Variants in ACVR1 observed in about 807,000 individuals in gnomAD.
ACVR1 encodes the protein activin receptor type-1.
A neutral mutation model predicts 57.1 loss-of-function variants in ACVR1; 38 were observed. That is an observed-to-expected ratio of 0.67 (90% CI 0.51 to 0.87). ACVR1 has a LOEUF of 0.87. ACVR1 is among the 40% of genes least tolerant of loss of function. ACVR1 has a pLI of 0.00. For missense variants in ACVR1, 463 were observed against 638.2 expected (o/e 0.73, Z 2.96); for synonymous variants, 212 against 228.1 (o/e 0.93, Z 0.63).
intron 1 of ACVR1, among the ~76,000 whole-genome samples, chr2:157,868,493 A>C (rs937811581): frequency 1.3e-5 from 2 of 151,798 alleles, no homozygotes; most frequent in Non-Finnish European, 2.9e-5. Context: ...TCAAAAAAAA[A>C]AAAAAAATCT....
intron 2 of ACVR1, among the ~76,000 whole-genome samples, chr2:157,807,639 G>A (rs1231439777): frequency 6.6e-6 from 1 of 151,498 alleles, no homozygotes; most frequent in Non-Finnish European, 1.5e-5. Flanking sequence ...ATGTAATTCT[G>A]AAGTTCATTT....
chr2:157,854,199 T>TAAAAAAAAA (rs398060692), intron 1 of ACVR1, among the ~76,000 whole-genome samples: 5 of 118,506 alleles, frequency 4.2e-5, no homozygotes, highest in Admixed American at 9.0e-5. Context: ...CCTAAAGGAG[T>TAAAAAAAAA]AAAAAAAAAA....
At chr2:157,825,847 G>A (rs1460177292) in intron 1 of ACVR1, among the ~76,000 whole-genome samples, 3 of 152,166 alleles carry the variant, frequency 2.0e-5, no homozygotes, top group African/African-American at 7.2e-5. Flanking sequence ...TGGAAGAGAA[G>A]AAAGAAGGAA....
At chr2:157,750,945 G>T (rs112777894) in intron 9 of ACVR1, among the ~76,000 whole-genome samples, 2,577 of 151,900 alleles carry the variant, frequency 0.017, 65 homozygotes, top group African/African-American at 0.056. Context: ...CAGATAGGAG[G>T]CCTGACTAAA....
intron 3 of ACVR1, among the ~76,000 whole-genome samples, chr2:157,795,011 G>A (rs1687051240): frequency 6.6e-6 from 1 of 151,074 alleles, no homozygotes; most frequent in South Asian, 2.1e-4. Flanking sequence ...ACTAAGAAGA[G>A]TACACTACCC....
intron 1 of ACVR1, among the ~76,000 whole-genome samples, chr2:157,861,236 T>C (rs1331074991): frequency 6.6e-6 from 1 of 152,240 alleles, no homozygotes; most frequent in African/African-American, 2.4e-5. Context: ...CAAGCTGAGC[T>C]CTCTGACAGC....
rs371235456 is a variant in ACVR1 at position 157,766,108 on chromosome 2, G to A, written c.879C>T (p.Asp293=). 1.7e-5 allele frequency: 27 copies of A among 1,613,974 alleles called. No homozygotes were observed. The African/African-American group carries it at 3.6e-4, about 22-fold the overall frequency. ...THYHEMGSLY[D]YLQLTTLDTV... is the part of the protein sequence containing the mutation. Reference sequence around the variant, plus strand: ...TATCCAGAGTAGTAAGCTGAAGATAGTCGTACAACGATCCCATTTCATGAT... The same window carrying A: ...TATCCAGAGTAGTAAGCTGAAGATAATCGTACAACGATCCCATTTCATGAT... The change falls in exon 8 of 11, where the codon GAC becomes GAT. Residue 293 remains aspartate, a synonymous_variant. Transcript: ENST00000434821.
At chr2:157,771,636 G>A (rs577754460) in intron 6 of ACVR1, among the ~76,000 whole-genome samples, 2 of 152,260 alleles carry the variant, frequency 1.3e-5, no homozygotes, top group Admixed American at 6.5e-5. Flanking sequence ...GTTCTTTGCT[G>A]GAACACTAAG....
chr2:157,854,202 A>G (rs1254614814), intron 1 of ACVR1, among the ~76,000 whole-genome samples: 1 of 133,866 alleles, frequency 7.5e-6, no homozygotes, highest in Non-Finnish European at 1.7e-5. Flanking sequence ...AAAGGAGTAA[A>G]AAAAAAAAAA....
At chr2:157,786,573 C>T (rs974360986) in intron 3 of ACVR1, among the ~76,000 whole-genome samples, 3 of 152,050 alleles carry the variant, frequency 2.0e-5, no homozygotes, top group African/African-American at 2.4e-5. Context: ...CTTGGGCTCA[C>T]GAATATAGAA....
chr2:157,806,895 C>T (rs1687568884), intron 2 of ACVR1: 1 of 152,134 alleles, frequency 6.6e-6, no homozygotes, highest in African/African-American at 2.4e-5. Flanking sequence ...GTGTTACTTT[C>T]AGAATATTAG....
At chr2:157,866,208 C>G (rs1558857066) in intron 1 of ACVR1, among the ~76,000 whole-genome samples, 1 of 151,998 alleles carries the variant, frequency 6.6e-6, no homozygotes, top group Non-Finnish European at 1.5e-5. Flanking sequence ...TTGTATGGCC[C>G]CAGAAGGAGA....
intron 8 of ACVR1, among the ~76,000 whole-genome samples, chr2:157,762,376 T>C (rs911299176): frequency 4.6e-5 from 7 of 152,158 alleles, no homozygotes; most frequent in Non-Finnish European, 8.8e-5. Context: ...AGGTATGTAA[T>C]AGGAAAAAAC....
intron 9 of ACVR1, among the ~76,000 whole-genome samples, chr2:157,759,767 G>C (rs1273439061): frequency 6.6e-6 from 1 of 152,080 alleles, no homozygotes; most frequent in Non-Finnish European, 1.5e-5. Flanking sequence ...ATTTATTCTT[G>C]GGATGCAAGG....
Position 157,834,090 on chromosome 2 carries a change from C to G in ACVR1, c.-182-15531G>C, listed in dbSNP as rs926888888. 8.5e-5 allele frequency among the ~76,000 whole-genome samples: 13 copies of G among 152,274 alleles called. 1 individual carries two copies. The highest frequency in any genetic ancestry group is 7.2e-4 in the Admixed American group (11 of 15,292). On this transcript the variant is annotated intron_variant, in intron 1 of 10. Coordinates refer to ENST00000434821, the MANE Select transcript of ACVR1 (RefSeq NM_001111067.4). ...CACATACATGTCTAGAAGCTATTTTCTTTTAAATATAATTTTGGATTAAAT... is the reference window on the plus strand; with the variant it reads ...CACATACATGTCTAGAAGCTATTTTGTTTTAAATATAATTTTGGATTAAAT...
intron 1 of ACVR1, among the ~76,000 whole-genome samples, chr2:157,819,790 CA>C (rs1198328099): frequency 6.6e-6 from 1 of 152,156 alleles, no homozygotes; most frequent in Non-Finnish European, 1.5e-5. Context: ...ACCCAGGCCC[CA>C]TTTTCCTTTA....
intron 9 of ACVR1, among the ~76,000 whole-genome samples, chr2:157,756,944 A>G (rs1404452257): frequency 6.7e-6 from 1 of 148,538 alleles, no homozygotes; most frequent in African/African-American, 2.5e-5. Flanking sequence ...TGAGCTATCT[A>G]TCTATCTACA....
At chr2:157,801,186 C>T (rs1687312559) in intron 2 of ACVR1, among the ~76,000 whole-genome samples, 1 of 152,140 alleles carries the variant, frequency 6.6e-6, no homozygotes, top group South Asian at 2.1e-4. Flanking sequence ...TTAATCTGGT[C>T]TCTATCTCAG....
intron 1 of ACVR1, among the ~76,000 whole-genome samples, chr2:157,870,332 G>A (rs1039447692): frequency 6.6e-6 from 1 of 152,150 alleles, no homozygotes. Context: ...CCAAATCAAA[G>A]TAATCTTGCT....
Sources: allele counts gnomAD v4.1 joint callset (sites outside exome capture counted in the v4.1 genomes callset), GRCh38; gene constraint gnomAD v4.1.1; transcripts MANE v1.5; gene names NCBI Gene and HGNC (gene_info 2026-07-23, HGNC 2026-07-21).